AZGP1: variants seen among roughly 807,000 people sequenced by gnomAD.
The protein encoded by AZGP1 is alpha-2-glycoprotein 1, zinc-binding, also known as zinc-alpha-2-glycoprotein.
A neutral mutation model predicts 31.5 loss-of-function variants in AZGP1; 28 were observed. The observed-to-expected ratio is 0.89, with a 90% CI of 0.66 to 1.22. The LOEUF (loss-of-function observed/expected upper bound fraction) is 1.22. Ranked by LOEUF, AZGP1 falls within the 50% of genes most tolerant of loss-of-function variation. The pLI is 0.00. For synonymous variants in AZGP1, 135 were observed against 145.4 expected (o/e 0.93, Z 0.51); for missense variants, 361 against 371.8 (o/e 0.97, Z 0.24).
intron 3 of AZGP1, 141 bp downstream of exon 3, chr7:99,968,014 A>G (rs961948775): frequency 2.6e-6 from 3 of 1,161,612 alleles, no homozygotes; most frequent in Non-Finnish European, 3.7e-6. Flanking sequence ...CAGGGAAGGA[A>G]TAAATCCTAA....
intron 3 of AZGP1, chr7:99,967,774 G>A (rs545897370): frequency 4.0e-6 from 2 of 498,552 alleles, no homozygotes; most frequent in South Asian, 2.9e-5. Flanking sequence ...ACCCAGATGG[G>A]AGGCATCATT....
In AZGP1 at chr7:99,971,746, C is replaced by T. The variant is rs377632165; in HGVS notation, c.337G>A (p.Gly113Arg). 3.9e-5 allele frequency: 63 copies of T among 1,613,242 alleles called. No homozygotes were observed. The highest frequency in any genetic ancestry group is 8.0e-5 in the African/African-American group (6 of 74,850). ...CCCCTGTGGTCTGTTATTCACTGAC[C>T]GTTACTGTCGTTGTAATACTCCACG... is the stretch of plus-strand genomic sequence containing the variant. Reference protein sequence around the residue: ...DIVEYYNDSNGSHVLQGRFGC... With the variant: ...DIVEYYNDSNRSHVLQGRFGC... The change falls in exon 2 of 4, where the codon GGG (glycine) becomes AGG (arginine). Residue 113 changes from glycine to arginine, a missense_variant and splice_region_variant. Physicochemically the swap from Gly to Arg is moderately radical, Grantham distance 125 (BLOSUM62 -2). Coordinates refer to ENST00000292401, the MANE Select transcript of AZGP1 (RefSeq NM_001185.4).
Position 99,966,867 on chromosome 7 carries a change from C to A in AZGP1, c.*136G>T. On this transcript the variant is annotated 3_prime_UTR_variant, in exon 4 of 4. Coordinates refer to ENST00000292401, the MANE Select transcript of AZGP1 (RefSeq NM_001185.4). Reference sequence around the variant, plus strand: ...CCCAGTCTTCGGTCTCCAAATCCACCTCCTGTCTGTCCCCCCACACTGCTC... The same window carrying A: ...CCCAGTCTTCGGTCTCCAAATCCACATCCTGTCTGTCCCCCCACACTGCTC... The A allele has an allele frequency of 1.5e-6, 2 of 1,334,200 alleles. No individual in the cohort carries two copies. The highest frequency in any genetic ancestry group is 2.0e-6 in the Non-Finnish European group (2 of 978,346). The allele number at this position is 1,334,200 out of a possible 1,614,324, so 82.6% of individuals were successfully genotyped here.
chr7:99,967,447 C>G (rs1789503480), intron 3 of AZGP1, 161 bp from the exon 4 acceptor site: 3 of 791,202 alleles, frequency 3.8e-6, no homozygotes, highest in Non-Finnish European at 5.9e-6. Flanking sequence ...TCAGGGAAGG[C>G]TGACGCTTTC....
intron 1 of AZGP1, among the ~76,000 whole-genome samples, chr7:99,972,536 G>C (rs984504494): frequency 6.6e-6 from 1 of 152,162 alleles, no homozygotes; most frequent in African/African-American, 2.4e-5. Context: ...TTCTAGGCTG[G>C]GCTCCGTGGC....
intron 1 of AZGP1, among the ~76,000 whole-genome samples, chr7:99,975,026 C>T (rs1266960564): frequency 6.6e-6 from 1 of 152,188 alleles, no homozygotes; most frequent in Non-Finnish European, 1.5e-5. Flanking sequence ...TGTTACTCCT[C>T]CCAATAGTGT....
intron 3 of AZGP1, 59 bp from the exon 4 acceptor site, chr7:99,967,345 C>A (rs764619152): frequency 2.5e-5 from 38 of 1,550,534 alleles, no homozygotes; most frequent in Non-Finnish European, 2.5e-5. Context: ...CGGCCCAGGT[C>A]TCTTCCTACC....
rs76208463 is a variant in AZGP1 at position 99,975,966 on chromosome 7, C to G, written c.55G>C (p.Val19Leu). 6.2e-7 allele frequency: 1 copy of G among 1,612,786 alleles called. No homozygotes were observed. The highest frequency in any genetic ancestry group is 2.2e-5 in the East Asian group (1 of 44,832). The change falls in exon 1 of 4, where the codon GTC (valine) becomes CTC (leucine). Residue 19 changes from valine to leucine, a missense_variant. Physicochemically the swap from Val to Leu is conservative, Grantham distance 32. Transcript: ENST00000292401. ...TCACCATCTTGGTTCTCCTGGGGGA[C>G]AGCAGGACCCAGAAGCAGCAGCAGA... ...LSLLLLLGPA[V>L]PQENQDGRYS...
chr7:99,968,121 G>A, intron 3 of AZGP1, 34 bp downstream of exon 3: 1 of 1,611,740 alleles, frequency 6.2e-7, no homozygotes, highest in East Asian at 2.2e-5. Flanking sequence ...TTTTATTCTG[G>A]GCTCAGTACT....
rs919243510 is a variant in AZGP1, at chr7:99,966,918, G to C, written c.*85C>G. On this transcript the variant is annotated 3_prime_UTR_variant, in exon 4 of 4. Coordinates refer to ENST00000292401, the MANE Select transcript of AZGP1 (RefSeq NM_001185.4). ...CTCAGGCCTTGTGGATCCATTGACT[G>C]TGATTTCTGTGGTTCAGCTCCCACA... 4 of 1,522,676 alleles carry C rather than the reference G, an allele frequency of 2.6e-6. No homozygotes were observed. The highest frequency in any genetic ancestry group is 3.6e-6 in the Non-Finnish European group (4 of 1,123,382). 94.3% of individuals were successfully genotyped at this position (1,522,676 alleles called of 1,614,324 possible).
In AZGP1 at chr7:99,968,261, C is replaced by T. The variant is rs1197497166; in HGVS notation, c.507G>A (p.Glu169=). 6.2e-7 allele frequency: 1 copy of T among 1,613,756 alleles called. No homozygotes were observed. Among genetic ancestry groups the T allele is most frequent in the East Asian group, 2.2e-5 (1 of 44,810 alleles). Residue 169 remains glutamate, a synonymous_variant, in exon 3 of 4, where the codon GAG becomes GAA. Coordinates refer to ENST00000292401, the MANE Select transcript of AZGP1 (RefSeq NM_001185.4). ...CCCGCTGCACGTAGACTGGTTCTGC[C>T]TCCCACTTCTGCTTGGTTATCTGGG... The part of the protein sequence containing the change: ...PAAQITKQKW[E]AEPVYVQRAK...
In AZGP1 at chr7:99,969,773, G is replaced by A. The variant is rs563904304; in HGVS notation, c.338-1343C>T. 1.6e-4 allele frequency among the ~76,000 whole-genome samples: 24 copies of A among 152,246 alleles called. 1 individual carries two copies. Among genetic ancestry groups the A allele is most frequent in the African/African-American group, 5.8e-4 (24 of 41,546 alleles). ...AAAGGAAGGCTCTCTTTTTCTCTCA[G>A]TTCTAGGAAGAGTTCATATCATCAC... is the stretch of plus-strand genomic sequence containing the variant. On this transcript the variant is annotated intron_variant, in intron 2 of 3. Transcript: ENST00000292401.
Position 99,967,136 on chromosome 7 carries a change from A to G in AZGP1, c.764T>C (p.Leu255Pro). The change falls in exon 4 of 4, where the codon CTT becomes CCT. Residue 255 changes from leucine (L) to proline (P), a missense_variant. Coordinates refer to ENST00000292401, the MANE Select transcript of AZGP1 (RefSeq NM_001185.4). ...CTGGTAAGTGCCATTTCCATTGTGA[A>G]GAACATCTCCCCGTAACTCAGGCTC... ...VQEPELRGDV[L>P]HNGNGTYQSW... is the part of the protein sequence containing the mutation. 1 of 1,614,204 alleles carries G rather than the reference A, an allele frequency of 6.2e-7. No individual in the cohort carries two copies. Among genetic ancestry groups the G allele is most frequent in the Non-Finnish European group, 8.5e-7 (1 of 1,180,040 alleles).
intron 1 of AZGP1, among the ~76,000 whole-genome samples, chr7:99,974,844 T>C (rs1789632649): frequency 6.6e-6 from 1 of 152,080 alleles, no homozygotes; most frequent in African/African-American, 2.4e-5. Flanking sequence ...AGTGGATTAC[T>C]CTCCATAGTG....
At position 99,966,734 on chromosome 7, in the gene AZGP1, A is replaced by C; in HGVS notation, c.*269T>G. 1.9e-6 allele frequency: 1 copy of C among 535,496 alleles called. No homozygotes were observed. 33.2% of individuals were successfully genotyped at this position (535,496 alleles called of 1,614,324 possible). ...TAAAAAAAGGATTCTCTGTTATGCT[A>C]GGCAAGGAGGGATGATTATTTATTA... On this transcript the variant is annotated 3_prime_UTR_variant, in exon 4 of 4. Coordinates refer to ENST00000292401, the MANE Select transcript of AZGP1 (RefSeq NM_001185.4).
At chr7:99,971,553 C>T (rs983582890) in intron 2 of AZGP1, 193 bp downstream of exon 2, 3 of 640,936 alleles carry the variant, frequency 4.7e-6, no homozygotes, top group South Asian at 2.0e-5. Context: ...GAGGATGGGG[C>T]AATTGATGGG....
At chr7:99,968,991 G>C (rs1315694082) in intron 2 of AZGP1, among the ~76,000 whole-genome samples, 2 of 13,366 alleles carry the variant, frequency 1.5e-4, no homozygotes, top group African/African-American at 2.8e-4. Flanking sequence ...AAAAAAAAAA[G>C]CACCAGGCCC....
At chr7:99,967,666 C>A (rs1009560015) in intron 3 of AZGP1, 1 of 408,654 alleles carries the variant, frequency 2.4e-6, no homozygotes, top group Admixed American at 4.3e-5. Flanking sequence ...CACTACGTCT[C>A]CAATCCAAGT....
chr7:99,970,630 A>G (rs991684546), intron 2 of AZGP1, among the ~76,000 whole-genome samples: 24 of 151,622 alleles, frequency 1.6e-4, no homozygotes, highest in African/African-American at 5.3e-4. Flanking sequence ...CTGTCCATCA[A>G]TGCTTCCCCC....
Sources: allele counts gnomAD v4.1 joint callset (sites outside exome capture counted in the v4.1 genomes callset), GRCh38; gene constraint gnomAD v4.1.1; transcripts MANE v1.5; gene names NCBI Gene and HGNC (gene_info 2026-07-23, HGNC 2026-07-21).